The following CADPS variants were observed in gnomAD, a reference collection of about 807,000 sequenced individuals.
The protein encoded by CADPS is calcium-dependent secretion activator 1.
Under a neutral mutation model 167.3 loss-of-function variants are expected in CADPS, and 57 were observed. The ratio of observed to expected loss-of-function variants is 0.34; its 90% CI spans 0.28 to 0.42. The LOEUF is 0.42. CADPS is among the 20% of genes least tolerant of loss of function. The pLI, the probability that CADPS is intolerant of heterozygous loss-of-function variation, is 1.00. For missense variants in CADPS, 1,414 were observed against 1,738.1 expected, an observed-to-expected ratio of 0.81 and a Z score of 3.32; for synonymous variants, 676 against 635.3, an observed-to-expected ratio of 1.06 and a Z score of -0.96.
At chr3:62,843,110 T>A (rs2076878601) in intron 1 of CADPS, among the ~76,000 whole-genome samples, 1 of 152,184 alleles carries the variant, frequency 6.6e-6, no homozygotes, top group South Asian at 2.1e-4. Context: ...AACTTCCAAT[T>A]TTTTTCCTGA....
At chr3:62,773,909 A>G (rs755027400) in intron 1 of CADPS, among the ~76,000 whole-genome samples, 13 of 152,200 alleles carry the variant, frequency 8.5e-5, no homozygotes, top group Non-Finnish European at 1.6e-4. Context: ...TAGACCAATC[A>G]GCATGCTATT....
intron 4 of CADPS, among the ~76,000 whole-genome samples, chr3:62,661,806 G>A (rs2073280098): frequency 6.6e-6 from 1 of 152,108 alleles, no homozygotes; most frequent in South Asian, 2.1e-4. Context: ...ACAGTCAAGA[G>A]ATCTGACCCA....
intron 28 of CADPS, among the ~76,000 whole-genome samples, chr3:62,414,063 C>T (rs1020899493): frequency 2.6e-5 from 4 of 152,200 alleles, no homozygotes; most frequent in African/African-American, 4.8e-5. Flanking sequence ...AAACATGCCA[C>T]GGGGCCAACA....
chr3:62,560,252 T>C (rs186746326), intron 9 of CADPS, among the ~76,000 whole-genome samples: 1 of 152,220 alleles, frequency 6.6e-6, no homozygotes, highest in Non-Finnish European at 1.5e-5. Flanking sequence ...ACTGATTGAA[T>C]GGTGGGAGAA....
chr3:62,619,044 A>T (rs2062766935), intron 6 of CADPS, among the ~76,000 whole-genome samples: 1 of 152,224 alleles, frequency 6.6e-6, no homozygotes, highest in Admixed American at 6.5e-5. Flanking sequence ...TTTGTAAATA[A>T]AGTCTAATTG....
In CADPS at chr3:62,682,486, T is replaced by C. The variant is rs2077300248; in HGVS notation, c.889-20092A>G. Among the ~76,000 whole-genome samples the C allele has an allele frequency of 1.3e-5, 2 of 152,106 alleles. 1 individual carries two copies. Among genetic ancestry groups the C allele is most frequent in the African/African-American group, 4.8e-5 (2 of 41,416 alleles). ...AAATTTGAGTGCTTCAGAAATCATCTGTGAAATCGCTAGTGTTCAGTGAGT... is the reference window on the plus strand; with the variant it reads ...AAATTTGAGTGCTTCAGAAATCATCCGTGAAATCGCTAGTGTTCAGTGAGT... On this transcript the variant is annotated intron_variant, in intron 3 of 29. Transcript: ENST00000383710.
At chr3:62,837,829 AT>A (rs923738930) in intron 1 of CADPS, among the ~76,000 whole-genome samples, 8 of 152,208 alleles carry the variant, frequency 5.3e-5, no homozygotes, top group African/African-American at 1.4e-4. Flanking sequence ...TTCTGTAAAA[AT>A]GAAGGAAAAT....
At chr3:62,800,745 C>T (rs548925643) in intron 1 of CADPS, among the ~76,000 whole-genome samples, 2 of 152,162 alleles carry the variant, frequency 1.3e-5, no homozygotes, top group African/African-American at 2.4e-5. Flanking sequence ...TCTTAATATG[C>T]TTTTTATCTA....
chr3:62,432,711 G>A (rs906777672), intron 28 of CADPS, among the ~76,000 whole-genome samples: 2 of 152,064 alleles, frequency 1.3e-5, no homozygotes, highest in Non-Finnish European at 2.9e-5. Flanking sequence ...ATAACTCCAC[G>A]ATTATCATCC....
At chr3:62,449,112 T>C (rs555463764) in intron 26 of CADPS, among the ~76,000 whole-genome samples, 12 of 152,306 alleles carry the variant, frequency 7.9e-5, no homozygotes, top group South Asian at 6.2e-4. Context: ...TTCCAGAGTA[T>C]AGAATCAGAA....
intron 1 of CADPS, among the ~76,000 whole-genome samples, chr3:62,784,441 AATG>A (rs1295180341): frequency 1.3e-5 from 2 of 152,192 alleles, no homozygotes; most frequent in Non-Finnish European, 2.9e-5. Flanking sequence ...TGAAAAATAG[AATG>A]ATACTCTTCA....
At chr3:62,463,910 A>G (rs574042488) in intron 26 of CADPS, among the ~76,000 whole-genome samples, 70 of 152,336 alleles carry the variant, frequency 4.6e-4, no homozygotes, top group African/African-American at 1.7e-3. Flanking sequence ...ACTGCATATC[A>G]GAAGAAACTG....
chr3:62,757,879 G>A (rs1309439928), intron 2 of CADPS, among the ~76,000 whole-genome samples: 1 of 152,186 alleles, frequency 6.6e-6, no homozygotes. Flanking sequence ...GCATGTGCAT[G>A]GGAACTCGCC....
At chr3:62,498,663 A>G (rs2065204122) in intron 18 of CADPS, among the ~76,000 whole-genome samples, 2 of 152,120 alleles carry the variant, frequency 1.3e-5, no homozygotes, top group South Asian at 4.1e-4. Context: ...TGAACGACAC[A>G]GAATAATTTG....
chr3:62,707,279 T>C (rs2082489688), intron 3 of CADPS, among the ~76,000 whole-genome samples: 1 of 152,116 alleles, frequency 6.6e-6, no homozygotes, highest in African/African-American at 2.4e-5. Context: ...ATCTAACTAA[T>C]GCCTGATGAT....
intron 1 of CADPS, among the ~76,000 whole-genome samples, chr3:62,833,789 C>T (rs1034899004): frequency 6.6e-6 from 1 of 152,172 alleles, no homozygotes; most frequent in Admixed American, 6.5e-5. Flanking sequence ...AGAGTGTCTC[C>T]ATCTTTATCT....
chr3:62,832,290 T>A (rs1055924147), intron 1 of CADPS, among the ~76,000 whole-genome samples: 1 of 152,216 alleles, frequency 6.6e-6, no homozygotes, highest in Non-Finnish European at 1.5e-5. Context: ...CACCAATCCA[T>A]GCAAATCTCT....
intron 2 of CADPS, among the ~76,000 whole-genome samples, chr3:62,763,633 A>G (rs1034759140): frequency 3.3e-5 from 5 of 152,186 alleles, no homozygotes; most frequent in African/African-American, 4.8e-5. Context: ...CCATAGCCCA[A>G]GGATGAAGGG....
intron 7 of CADPS, among the ~76,000 whole-genome samples, chr3:62,589,745 A>G (rs937205182): frequency 6.6e-6 from 1 of 152,158 alleles, no homozygotes; most frequent in Non-Finnish European, 1.5e-5. Flanking sequence ...CCCGCTTTCC[A>G]TGGGAGCAAG....
Sources: allele counts gnomAD v4.1 joint callset (sites outside exome capture counted in the v4.1 genomes callset), GRCh38; gene constraint gnomAD v4.1.1; transcripts MANE v1.5; gene names NCBI Gene and HGNC (gene_info 2026-07-23, HGNC 2026-07-21).